The following RDX variants were observed in gnomAD, a reference collection of about 807,000 sequenced individuals.
The protein encoded by RDX is radixin.
Under a neutral mutation model 83.7 loss-of-function variants are expected in RDX, and 32 were observed. The observed-to-expected ratio is 0.38, with a 90% CI of 0.29 to 0.51. RDX has a LOEUF of 0.51. Among genes scored for constraint, RDX ranks in the 20% least tolerant of loss-of-function variants. The pLI, the probability that RDX is intolerant of heterozygous loss-of-function variation, is 0.87. For synonymous variants in RDX, 229 were observed against 222.7 expected, an observed-to-expected ratio of 1.03 and a Z score of -0.25; for missense variants, 600 against 689.9, an observed-to-expected ratio of 0.87 and a Z score of 1.46.
chr11:110,232,222 C>T (rs1864667120), intron 13 of RDX, among the ~76,000 whole-genome samples, 189 bp from the exon 14 acceptor site: 1 of 152,126 alleles, frequency 6.6e-6, no homozygotes, highest in Admixed American at 6.5e-5. Flanking sequence ...GGCCTTTCCA[C>T]ATTTATCAAC....
chr11:110,205,500 C>G (rs1863570985), intron 14 of RDX, among the ~76,000 whole-genome samples: 3 of 147,756 alleles, frequency 2.0e-5, no homozygotes, highest in African/African-American at 7.4e-5. Context: ...AAGGAAATCT[C>G]TCTAAAACAT....
chr11:110,264,567 T>TATTTG (rs934847274), intron 4 of RDX, among the ~76,000 whole-genome samples: 1 of 152,052 alleles, frequency 6.6e-6, no homozygotes, highest in African/African-American at 2.4e-5. Context: ...AGGCTAAGTT[T>TATTTG]TCAAATAGGA....
intron 1 of RDX, among the ~76,000 whole-genome samples, chr11:110,289,979 A>AAAAAAAAAAAAAAAAAAAAAC (rs1555049799): frequency 1.4e-5 from 2 of 144,620 alleles, no homozygotes; most frequent in African/African-American, 5.4e-5. Flanking sequence ...AAAAAAAAAA[A>AAAAAAAAAAAAAAAAAAAAAC]AAACAAGGGT....
intron 2 of RDX, among the ~76,000 whole-genome samples, chr11:110,278,410 A>G (rs1444783603): frequency 6.6e-6 from 1 of 152,110 alleles, no homozygotes; most frequent in Non-Finnish European, 1.5e-5. Flanking sequence ...ATCTCTATAC[A>G]TATTTTATAG....
intron 14 of RDX, among the ~76,000 whole-genome samples, chr11:110,202,072 G>A (rs554167188): frequency 4.0e-5 from 6 of 151,842 alleles, no homozygotes; most frequent in Admixed American, 2.0e-4. Context: ...GAGCCACTGC[G>A]CCCGGCCTAG....
chr11:110,288,685 C>T (rs921862734), intron 1 of RDX, among the ~76,000 whole-genome samples: 1 of 152,108 alleles, frequency 6.6e-6, no homozygotes, highest in Non-Finnish European at 1.5e-5. Context: ...AGTTCTATTG[C>T]TATAAAAAAA....
intron 15 of RDX, among the ~76,000 whole-genome samples, chr11:110,189,186 G>A (rs187156737): frequency 7.6e-5 from 10 of 130,996 alleles, no homozygotes; most frequent in Non-Finnish European, 1.6e-4. Flanking sequence ...GAAAATAAAC[G>A]AGAGCAGGAG....
intron 9 of RDX, among the ~76,000 whole-genome samples, chr11:110,251,413 C>T (rs1375995535): frequency 1.3e-5 from 2 of 152,036 alleles, no homozygotes; most frequent in African/African-American, 4.8e-5. Context: ...TTGCTAAATG[C>T]CTGTATACCA....
chr11:110,280,260 T>G (rs1860703811), intron 1 of RDX, among the ~76,000 whole-genome samples: 2 of 152,218 alleles, frequency 1.3e-5, no homozygotes, highest in African/African-American at 2.4e-5. Flanking sequence ...TTTTATTTTT[T>G]TAAAGATGGG....
chr11:110,215,114 A>C (rs1468904374), intron 14 of RDX, among the ~76,000 whole-genome samples: 2 of 149,576 alleles, frequency 1.3e-5, no homozygotes, highest in African/African-American at 4.9e-5. Flanking sequence ...TGATCCCAGC[A>C]CTTTGGAAGG....
chr11:110,264,013 A>G lies in RDX; in HGVS notation c.414T>C (p.Asn138=), dbSNP rs1859916528. Residue 138 remains asparagine (N), a synonymous_variant, in exon 5 of 14, where the codon AAT becomes AAC. Coordinates refer to ENST00000645495, the MANE Select transcript of RDX (RefSeq NM_002906.4). Reference sequence around the variant, plus strand: ...GGTAGCCTGGCTTATGAATCTCTTTATTGTAATCTCCATACTTGGCTTGGA... The same window carrying G: ...GGTAGCCTGGCTTATGAATCTCTTTGTTGTAATCTCCATACTTGGCTTGGA... ...YAVQAKYGDY[N]KEIHKPGYLA... is the part of the protein sequence containing the mutation. The G allele has an allele frequency of 6.2e-7, 1 of 1,613,606 alleles. No individual in the cohort carries two copies. Among genetic ancestry groups the G allele is most frequent in the South Asian group, 1.1e-5 (1 of 91,062 alleles).
In RDX at chr11:110,254,027, C is replaced by T. The variant is rs759389484; in HGVS notation, c.878G>A (p.Arg293Gln). Residue 293 changes from arginine to glutamine, a missense_variant, in exon 9 of 14, where the codon CGA (arginine) becomes CAA (glutamine). Transcript: ENST00000645495. ...TTCAATAGTATCAGGCTTCCTTCTT[C>T]GCATGTATAGTTCATGGTTTCCCAT... ...LCMGNHELYM[R>Q]RRKPDTIEVQ... 2.3e-5 allele frequency: 37 copies of T among 1,613,584 alleles called. 2 individuals carry two copies. The South Asian group carries it at 3.6e-4, about 16-fold the overall frequency.
At chr11:110,272,116 T>TA (rs1860332157) in intron 3 of RDX, among the ~76,000 whole-genome samples, 1 of 152,146 alleles carries the variant, frequency 6.6e-6, no homozygotes, top group Admixed American at 6.6e-5. Context: ...TTCCAAAATC[T>TA]AAAAACATCC....
Position 110,229,910 on chromosome 11 carries a change from T to TATTCA in RDX, c.*1958_*1959insTGAAT, listed in dbSNP as rs1864558865. The TATTCA allele has an allele frequency of 6.6e-6, 1 of 152,506 alleles. No homozygotes were observed. The highest frequency in any genetic ancestry group is 1.5e-5 in the Non-Finnish European group (1 of 67,976). 9.4% of individuals were successfully genotyped at this position (152,506 alleles called of 1,614,324 possible). A position where few individuals can be genotyped will look rare whatever the true frequency, so the allele number is the denominator to read the frequency against. ...AAGTGAACATTTATGTCTCAAAACA[T>TATTCA]GAATAGTAGGGTCCACCATCCATTC... On this transcript the variant is annotated 3_prime_UTR_variant, in exon 14 of 14. Coordinates refer to ENST00000645495, the MANE Select transcript of RDX (RefSeq NM_002906.4).
At chr11:110,215,555 GA>G (rs1864021464) in intron 14 of RDX, among the ~76,000 whole-genome samples, 3 of 152,080 alleles carry the variant, frequency 2.0e-5, no homozygotes, top group Admixed American at 2.0e-4. Flanking sequence ...GTGGTTCAAG[GA>G]GGTTGGTCTT....
At chr11:110,243,385 T>A (rs1261059922) in intron 10 of RDX, among the ~76,000 whole-genome samples, 1 of 151,934 alleles carries the variant, frequency 6.6e-6, no homozygotes, top group Non-Finnish European at 1.5e-5. Context: ...GATAAGGACA[T>A]AGAGCAAATG....
At position 110,258,138 on chromosome 11, in the gene RDX, C is replaced by T. The variant is rs1281161420; in HGVS notation, c.519G>A (p.Gln173=). The change falls in exon 6 of 14, where the codon CAG becomes CAA. Residue 173 remains glutamine (Q), a synonymous_variant. Transcript: ENST00000645495. ...LTKEQWEERI[Q]NWHEEHRGML... ...TTCCTCTATGTTCTTCATGCCAGTT[C>T]TGTATTCTTTCTTCCCACTGTTCTT... The T allele has an allele frequency of 3.1e-6, 5 of 1,610,906 alleles. No homozygotes were observed. The Admixed American group carries it at 6.7e-5, about 22-fold the overall frequency.
At chr11:110,188,991 C>G (rs1863044923) in intron 15 of RDX, among the ~76,000 whole-genome samples, 2 of 152,016 alleles carry the variant, frequency 1.3e-5, no homozygotes, top group South Asian at 4.2e-4. Flanking sequence ...ATCCAAACCT[C>G]ACATATCAAC....
chr11:110,264,329 G>A (rs1396964939), intron 4 of RDX, 95 bp from the exon 5 acceptor site: 1 of 826,362 alleles, frequency 1.2e-6, no homozygotes, highest in Non-Finnish European at 1.9e-6. Context: ...AAAATGAAGT[G>A]AAATAGATTC....
Sources: allele counts gnomAD v4.1 joint callset (sites outside exome capture counted in the v4.1 genomes callset), GRCh38; gene constraint gnomAD v4.1.1; transcripts MANE v1.5; gene names NCBI Gene and HGNC (gene_info 2026-07-23, HGNC 2026-07-21).